GPR137C: variants seen among roughly 807,000 people sequenced by gnomAD.
GPR137C encodes integral membrane protein GPR137C.
A neutral mutation model predicts 43.4 loss-of-function variants in GPR137C; 27 were observed. The ratio of observed to expected loss-of-function variants is 0.62; its 90% CI spans 0.46 to 0.86. The LOEUF (loss-of-function observed/expected upper bound fraction) is 0.86. GPR137C is among the 40% of genes least tolerant of loss of function. GPR137C has a pLI of 0.00. For synonymous variants in GPR137C, 285 were observed against 226.9 expected, an observed-to-expected ratio of 1.26 and a Z score of -2.30; for missense variants, 522 against 534.6, an observed-to-expected ratio of 0.98 and a Z score of 0.23.
chr14:52,607,304 A>G (rs1268030333), intron 3 of GPR137C, among the ~76,000 whole-genome samples: 1 of 152,214 alleles, frequency 6.6e-6, no homozygotes, highest in African/African-American at 2.4e-5. Flanking sequence ...TGTTAGGGCT[A>G]GTTGGCTTAG....
At chr14:52,586,831 G>T (rs1398566561) in intron 1 of GPR137C, among the ~76,000 whole-genome samples, 1 of 152,078 alleles carries the variant, frequency 6.6e-6, no homozygotes, top group Non-Finnish European at 1.5e-5. Context: ...TTTTTTGTCA[G>T]TGGTGCCCTC....
intron 3 of GPR137C, among the ~76,000 whole-genome samples, chr14:52,605,400 G>T (rs2038973294): frequency 6.6e-6 from 1 of 152,018 alleles, no homozygotes; most frequent in Non-Finnish European, 1.5e-5. Flanking sequence ...TGTTGATTTT[G>T]TATCCTTCAA....
intron 3 of GPR137C, among the ~76,000 whole-genome samples, chr14:52,603,510 A>T (rs2038949873): frequency 6.6e-6 from 1 of 152,070 alleles, no homozygotes; most frequent in Non-Finnish European, 1.5e-5. Flanking sequence ...TAGTTTTTCA[A>T]GGAACTTCCA....
chr14:52,575,162 T>C (rs1209760057), intron 1 of GPR137C, among the ~76,000 whole-genome samples: 1 of 152,196 alleles, frequency 6.6e-6, no homozygotes, highest in African/African-American at 2.4e-5. Flanking sequence ...AGATTTTTAG[T>C]AACAAAAGCT....
At chr14:52,624,034 A>G (rs913157910) in intron 3 of GPR137C, among the ~76,000 whole-genome samples, 1 of 151,698 alleles carries the variant, frequency 6.6e-6, no homozygotes, top group African/African-American at 2.4e-5. Context: ...TCCATTCTTA[A>G]ATATGAAAAT....
chr14:52,565,891 A>G (rs1013756646), intron 1 of GPR137C, among the ~76,000 whole-genome samples: 4 of 152,212 alleles, frequency 2.6e-5, no homozygotes, highest in Non-Finnish European at 4.4e-5. Context: ...TGAATAATTG[A>G]TATTTGCAAA....
At chr14:52,628,307 A>G (rs1435101319) in intron 3 of GPR137C, among the ~76,000 whole-genome samples, 1 of 152,222 alleles carries the variant, frequency 6.6e-6, no homozygotes, top group Non-Finnish European at 1.5e-5. Flanking sequence ...TCCATATGGA[A>G]TAAAATGAAC....
At chr14:52,588,190 G>T (rs2038736550) in intron 1 of GPR137C, among the ~76,000 whole-genome samples, 1 of 152,176 alleles carries the variant, frequency 6.6e-6, no homozygotes, top group South Asian at 2.1e-4. Context: ...TGTTGCCCAG[G>T]CTGGAGAGCA....
intron 1 of GPR137C, among the ~76,000 whole-genome samples, chr14:52,568,445 A>G (rs892765537): frequency 6.6e-6 from 1 of 151,932 alleles, no homozygotes; most frequent in African/African-American, 2.4e-5. Context: ...CTGGAACACC[A>G]GCGAAACAAC....
intron 1 of GPR137C, among the ~76,000 whole-genome samples, chr14:52,595,415 T>C (rs2038841062): frequency 6.6e-6 from 1 of 151,968 alleles, no homozygotes; most frequent in Non-Finnish European, 1.5e-5. Flanking sequence ...AAGAGTGTTT[T>C]CTAACTTGGT....
intron 1 of GPR137C, among the ~76,000 whole-genome samples, chr14:52,582,116 G>C (rs555078913): frequency 6.6e-6 from 1 of 152,292 alleles, no homozygotes; most frequent in South Asian, 2.1e-4. Context: ...TTCAGACCAA[G>C]GTGCCAGTAG....
chr14:52,633,971 C>G, intron 6 of GPR137C, 25 bp downstream of exon 6: 2 of 1,275,308 alleles, frequency 1.6e-6, no homozygotes, highest in Non-Finnish European at 2.3e-6. Flanking sequence ...GCCACTTAGC[C>G]TGAATTACTA....
At chr14:52,631,961 A>G (rs1018862217) in intron 3 of GPR137C, among the ~76,000 whole-genome samples, 199 bp from the exon 4 acceptor site, 1 of 152,026 alleles carries the variant, frequency 6.6e-6, no homozygotes, top group Non-Finnish European at 1.5e-5. Flanking sequence ...GGCAAAAAAA[A>G]AAAAAAAACT....
chr14:52,586,248 T>C (rs1371214248), intron 1 of GPR137C, among the ~76,000 whole-genome samples: 2 of 152,190 alleles, frequency 1.3e-5, no homozygotes, highest in African/African-American at 4.8e-5. Flanking sequence ...GCTCAGAAGA[T>C]CCAGACCATG....
At chr14:52,587,150 CA>C (rs1473636921) in intron 1 of GPR137C, among the ~76,000 whole-genome samples, 5 of 152,174 alleles carry the variant, frequency 3.3e-5, no homozygotes, top group African/African-American at 1.2e-4. Context: ...CTCATTTATT[CA>C]AACACTGTCT....
At chr14:52,574,863 A>G (rs1566607157) in intron 1 of GPR137C, among the ~76,000 whole-genome samples, 1 of 152,192 alleles carries the variant, frequency 6.6e-6, no homozygotes, top group Non-Finnish European at 1.5e-5. Flanking sequence ...TGTCTTTACA[A>G]AAAGCAATTC....
chr14:52,555,900 A>G (rs2038185076), intron 1 of GPR137C, among the ~76,000 whole-genome samples: 1 of 152,208 alleles, frequency 6.6e-6, no homozygotes, highest in Non-Finnish European at 1.5e-5. Flanking sequence ...TTCTCTTTTC[A>G]TTAGAGAAAA....
At chr14:52,621,962 T>G (rs570523009) in intron 3 of GPR137C, among the ~76,000 whole-genome samples, 1 of 151,812 alleles carries the variant, frequency 6.6e-6, no homozygotes, top group Non-Finnish European at 1.5e-5. Flanking sequence ...TATAAAAAAA[T>G]TTTTATAAAA....
chr14:52,553,298 G>A lies in GPR137C; in HGVS notation c.151G>A (p.Val51Ile), dbSNP rs757799057. ...GGGCTCCGTGCAGTTGGCGCTGAGCGTCCTGCACGCCCTGCTCTACGCCGC... is the reference window on the plus strand; with the variant it reads ...GGGCTCCGTGCAGTTGGCGCTGAGCATCCTGCACGCCCTGCTCTACGCCGC... ...VPGSVQLALSVLHALLYAALF... is the reference protein window; with the variant it reads ...VPGSVQLALSILHALLYAALF... Residue 51 changes from valine to isoleucine, a missense_variant, in exon 1 of 7, where the codon GTC becomes ATC. Physicochemically the swap from Val to Ile is conservative, Grantham distance 29. Around this residue, in one of 3 missense-constraint regions of GPR137C, gnomAD observed 437 missense variants for 425.7 expected, o/e 1.03. Coordinates refer to ENST00000321662, the MANE Select transcript of GPR137C (RefSeq NM_001099652.2). 6.5e-7 allele frequency: 1 copy of A among 1,547,198 alleles called. No homozygotes were observed. Among genetic ancestry groups the A allele is most frequent in the South Asian group, 1.2e-5 (1 of 83,888 alleles).
Sources: allele counts gnomAD v4.1 joint callset (sites outside exome capture counted in the v4.1 genomes callset), GRCh38; gene constraint gnomAD v4.1.1; regional missense constraint gnomAD v4.1.1; transcripts MANE v1.5; gene names NCBI Gene and HGNC (gene_info 2026-07-23, HGNC 2026-07-21).